Variants in KCNIP4 observed in about 807,000 individuals in gnomAD.
KCNIP4 encodes Kv channel-interacting protein 4.
In KCNIP4, 12 loss-of-function variants were observed where a neutral mutation model predicts 34.0. The observed-to-expected ratio is 0.35, with a 90% CI of 0.23 to 0.57. KCNIP4 has a LOEUF of 0.57. KCNIP4 is among the 20% of genes least tolerant of loss of function. The probability of loss-of-function intolerance (pLI) is 0.83; values close to 1 mark genes in which losing one functional copy is unlikely to be tolerated. For missense variants in KCNIP4, 238 were observed against 311.7 expected, an observed-to-expected ratio of 0.76 and a Z score of 1.78; for synonymous variants, 124 against 102.2, an observed-to-expected ratio of 1.21 and a Z score of -1.29.
At chr4:20,899,589 T>C (rs963301517) in intron 1 of KCNIP4, among the ~76,000 whole-genome samples, 3 of 152,210 alleles carry the variant, frequency 2.0e-5, no homozygotes, top group African/African-American at 4.8e-5. Context: ...ACATTTTGTA[T>C]GCAATTTTGA....
chr4:20,751,773 T>C lies in KCNIP4; in HGVS notation c.359-2041A>G, dbSNP rs143954750. 4.2e-3 allele frequency among the ~76,000 whole-genome samples: 646 copies of C among 152,310 alleles called. 8 individuals are homozygous for C. Among genetic ancestry groups the C allele is most frequent in the Admixed American group, 0.012 (179 of 15,300 alleles). On this transcript the variant is annotated intron_variant, in intron 4 of 8. Coordinates refer to ENST00000382152, the MANE Select transcript of KCNIP4 (RefSeq NM_025221.6). ...AGTTTTTCTAGCTTAAAGCTTGATA[T>C]GTGGGAATTATGCTTTCAAGGTTTA...
At chr4:21,095,162 A>C (rs1216937542) in intron 1 of KCNIP4, among the ~76,000 whole-genome samples, 1 of 152,230 alleles carries the variant, frequency 6.6e-6, no homozygotes, top group Non-Finnish European at 1.5e-5. Context: ...CACAGTTTGA[A>C]AAGTAAAATG....
intron 1 of KCNIP4, among the ~76,000 whole-genome samples, chr4:21,400,139 T>C (rs144334366): frequency 6.6e-6 from 1 of 152,328 alleles, no homozygotes; most frequent in African/African-American, 2.4e-5. Flanking sequence ...TCTATGTCAA[T>C]CATGACCCAC....
chr4:21,685,623 C>T (rs574158687), intron 1 of KCNIP4, among the ~76,000 whole-genome samples: 7 of 152,194 alleles, frequency 4.6e-5, no homozygotes, highest in Admixed American at 3.9e-4. Context: ...TAACTCAGGT[C>T]CAGTTGTCTC....
chr4:21,593,119 TTGTG>T (rs536946716), intron 1 of KCNIP4, among the ~76,000 whole-genome samples: 10 of 134,986 alleles, frequency 7.4e-5, no homozygotes, highest in Non-Finnish European at 1.3e-4. Context: ...GTGTGTGTGT[TTGTG>T]TGTGTGTGTG....
intron 1 of KCNIP4, among the ~76,000 whole-genome samples, chr4:20,914,900 C>T (rs1728658178): frequency 6.6e-6 from 1 of 152,182 alleles, no homozygotes; most frequent in African/African-American, 2.4e-5. Context: ...AGAAAGAAAC[C>T]TGCCTTTGCA....
intron 1 of KCNIP4, among the ~76,000 whole-genome samples, chr4:21,911,655 C>CAGAGAG (rs1366997015): frequency 2.9e-5 from 4 of 137,146 alleles, no homozygotes; most frequent in African/African-American, 1.1e-4. Context: ...CACACACACA[C>CAGAGAG]AGAGTCTGGT....
At chr4:20,927,626 A>C (rs545041173) in intron 1 of KCNIP4, among the ~76,000 whole-genome samples, 1 of 152,172 alleles carries the variant, frequency 6.6e-6, no homozygotes, top group African/African-American at 2.4e-5. Flanking sequence ...TTTACCCCCA[A>C]AAAATTAAAA....
At chr4:21,291,213 T>A (rs937950420) in intron 1 of KCNIP4, among the ~76,000 whole-genome samples, 1 of 152,102 alleles carries the variant, frequency 6.6e-6, no homozygotes, top group African/African-American at 2.4e-5. Context: ...CTTCAACAGG[T>A]CTTGGTGCAA....
chr4:21,724,257 C>T (rs990450440), intron 1 of KCNIP4, among the ~76,000 whole-genome samples: 1 of 152,060 alleles, frequency 6.6e-6, no homozygotes, highest in African/African-American at 2.4e-5. Flanking sequence ...GTTTTGAAGT[C>T]ATGTAAACAA....
chr4:21,562,995 T>C (rs1377858594), intron 1 of KCNIP4, among the ~76,000 whole-genome samples: 5 of 152,088 alleles, frequency 3.3e-5, no homozygotes, highest in Admixed American at 6.6e-5. Context: ...TTTAAAATTG[T>C]AATTTCTCAT....
intron 1 of KCNIP4, chr4:21,656,544 GA>G (rs1577772179): frequency 6.6e-6 from 1 of 152,086 alleles, no homozygotes; most frequent in Non-Finnish European, 1.5e-5. Flanking sequence ...GTAGATTTTT[GA>G]AAGTGGTGAC....
intron 1 of KCNIP4, among the ~76,000 whole-genome samples, chr4:21,124,066 C>A (rs374901803): frequency 6.6e-6 from 1 of 150,896 alleles, no homozygotes; most frequent in South Asian, 2.1e-4. Context: ...ACAAAAAAAA[C>A]CTATATTTTC....
intron 1 of KCNIP4, among the ~76,000 whole-genome samples, chr4:21,087,588 A>G (rs1343249523): frequency 6.6e-6 from 1 of 152,126 alleles, no homozygotes; most frequent in African/African-American, 2.4e-5. Context: ...GCACCTGGCC[A>G]GGTGACAGAC....
At chr4:21,226,390 T>A (rs1758409167) in intron 1 of KCNIP4, among the ~76,000 whole-genome samples, 1 of 100,818 alleles carries the variant, frequency 9.9e-6, no homozygotes, top group African/African-American at 6.1e-5. Context: ...AAGGAAATAA[T>A]TCGGTGTCCT....
chr4:21,087,873 T>C (rs1220445502), intron 1 of KCNIP4, among the ~76,000 whole-genome samples: 1 of 152,162 alleles, frequency 6.6e-6, no homozygotes, highest in African/African-American at 2.4e-5. Context: ...CTGCCTCTTA[T>C]TCCCTCAGTA....
Position 20,851,486 on chromosome 4 carries a change from A to G in KCNIP4, c.164-819T>C, listed in dbSNP as rs180754644. On this transcript the variant is annotated intron_variant, in intron 2 of 8. Transcript: ENST00000382152. ...CTTTCCTATTGTGAATAGTGCTGCA[A>G]TGAACATATGCAGGCATGTATCTTT... Among the ~76,000 whole-genome samples the G allele has an allele frequency of 4.1e-3, 624 of 152,320 alleles. 5 individuals are homozygous for G. The highest frequency in any genetic ancestry group is 5.5e-3 in the Non-Finnish European group (372 of 68,036).
chr4:21,451,588 G>A (rs904425772), intron 1 of KCNIP4, among the ~76,000 whole-genome samples: 4 of 152,140 alleles, frequency 2.6e-5, no homozygotes, highest in South Asian at 4.1e-4. Context: ...GTAACATGCT[G>A]TATAGAAGTT....
chr4:21,641,698 T>C (rs780447072), intron 1 of KCNIP4, among the ~76,000 whole-genome samples: 56 of 152,148 alleles, frequency 3.7e-4, no homozygotes, highest in Admixed American at 7.9e-4. Context: ...ATAGATAGGA[T>C]GGCATGTTCT....
Sources: allele counts gnomAD v4.1 joint callset (sites outside exome capture counted in the v4.1 genomes callset), GRCh38; gene constraint gnomAD v4.1.1; transcripts MANE v1.5; gene names NCBI Gene and HGNC (gene_info 2026-07-23, HGNC 2026-07-21).